INTS15: variants seen among roughly 807,000 people sequenced by gnomAD.
The protein encoded by INTS15 is integrator complex subunit 15, also known as uncharacterized protein C7orf26.
chr7:6,595,631 C>T, the INTS15 span, among the ~76,000 whole-genome samples: 2 of 152,200 alleles, frequency 1.3e-5, no homozygotes, highest in African/African-American at 4.8e-5. Context: ...ATGTGACCCA[C>T]TCCCTGGACA....
At chr7:6,599,709 G>A in the INTS15 span, 5 of 947,356 alleles carry the variant, frequency 5.3e-6, no homozygotes, top group Admixed American at 2.3e-5. Flanking sequence ...GCCAGGAGGC[G>A]TGATCCAGAC....
chr7:6,598,787 A>AC, the INTS15 span, among the ~76,000 whole-genome samples: 1 of 70,676 alleles, frequency 1.4e-5, no homozygotes, highest in South Asian at 4.9e-4. Flanking sequence ...GTGTGTGTGT[A>AC]TTTTTTTTTT....
the INTS15 span, among the ~76,000 whole-genome samples, chr7:6,599,116 C>T: frequency 1.3e-5 from 2 of 152,172 alleles, no homozygotes; most frequent in Non-Finnish European, 2.9e-5. Flanking sequence ...AATCACTTGA[C>T]ATGACTGTCC....
the INTS15 span, chr7:6,600,063 C>T: frequency 6.2e-7 from 1 of 1,614,220 alleles, no homozygotes; most frequent in Non-Finnish European, 8.5e-7. Flanking sequence ...AACAAGGTCA[C>T]AAAGGACCCG....
At chr7:6,604,982 T>C in the INTS15 span, among the ~76,000 whole-genome samples, 1 of 151,994 alleles carries the variant, frequency 6.6e-6, no homozygotes, top group Admixed American at 6.6e-5. Flanking sequence ...TTTTTCTTTT[T>C]CTCTTTGTTT....
At chr7:6,599,782 G>C in the INTS15 span, 42 of 1,579,226 alleles carry the variant, frequency 2.7e-5, no homozygotes, top group Non-Finnish European at 3.5e-5. Flanking sequence ...TCCCGCCCCT[G>C]TCCTCGAGGC....
At chr7:6,608,536 G>T in the INTS15 span, 1 of 1,120,456 alleles carries the variant, frequency 8.9e-7, no homozygotes, top group Non-Finnish European at 1.1e-6. Context: ...ATGTGTCCCC[G>T]CCAGAAAAAG....
the INTS15 span, chr7:6,607,390 G>A: frequency 4.5e-6 from 2 of 447,204 alleles, no homozygotes; most frequent in Non-Finnish European, 8.0e-6. The surrounding 1 kb of genome is among the most constrained non-coding windows in gnomAD (Gnocchi z 6.0). Flanking sequence ...GGTGCTGGGC[G>A]GGGTGGGTGC....
At chr7:6,596,923 C>T in the INTS15 span, among the ~76,000 whole-genome samples, 5 of 151,340 alleles carry the variant, frequency 3.3e-5, no homozygotes, top group African/African-American at 1.2e-4. Context: ...GGACTACAGG[C>T]GCCCGCTACC....
At chr7:6,602,737 C>T in the INTS15 span, 2 of 471,176 alleles carry the variant, frequency 4.2e-6, no homozygotes, top group South Asian at 3.1e-5. Context: ...GAGACCTCCA[C>T]AAACGCAGTC....
chr7:6,593,313 T>C, the INTS15 span, among the ~76,000 whole-genome samples: 1 of 151,564 alleles, frequency 6.6e-6, no homozygotes, highest in Non-Finnish European at 1.5e-5. Flanking sequence ...GTGGGACAAA[T>C]TTGGTCTGTG....
At chr7:6,605,895 C>T in the INTS15 span, among the ~76,000 whole-genome samples, 1 of 152,084 alleles carries the variant, frequency 6.6e-6, no homozygotes, top group Non-Finnish European at 1.5e-5. Context: ...GACGGGTTTT[C>T]GCCATGTTGG....
At chr7:6,606,622 G>T in the INTS15 span, among the ~76,000 whole-genome samples, 1 of 152,054 alleles carries the variant, frequency 6.6e-6, no homozygotes. Context: ...AGAAGCTTCC[G>T]ATGGGGGAAG....
the INTS15 span, chr7:6,594,544 C>G: frequency 6.2e-7 from 1 of 1,614,066 alleles, no homozygotes; most frequent in Non-Finnish European, 8.5e-7. Flanking sequence ...AGTGCCAGCC[C>G]GAGATTCTGC....
the INTS15 span, among the ~76,000 whole-genome samples, chr7:6,600,998 C>G: frequency 6.6e-6 from 1 of 152,120 alleles, no homozygotes; most frequent in Non-Finnish European, 1.5e-5. Context: ...CAGGGTTTCT[C>G]ACTCTGTTGC....
chr7:6,594,789 C>T, the INTS15 span, among the ~76,000 whole-genome samples: 3 of 152,076 alleles, frequency 2.0e-5, no homozygotes, highest in Non-Finnish European at 4.4e-5. Context: ...GGTGTTATCT[C>T]AGCTCACTGT....
chr7:6,599,029 C>T, the INTS15 span, among the ~76,000 whole-genome samples: 1 of 152,064 alleles, frequency 6.6e-6, no homozygotes. Flanking sequence ...CTCAAGTGAT[C>T]CTCCCACCTT....
the INTS15 span, chr7:6,590,180 C>G: frequency 9.2e-7 from 1 of 1,089,298 alleles, no homozygotes; most frequent in Non-Finnish European, 1.2e-6. Flanking sequence ...GGTGCCGCAG[C>G]CCAGGCCCGG....
the INTS15 span, among the ~76,000 whole-genome samples, chr7:6,593,762 G>A: frequency 4.0e-5 from 6 of 148,560 alleles, no homozygotes; most frequent in South Asian, 2.1e-4. Flanking sequence ...CCATCCTTCC[G>A]CCTCGGCCTC....
Sources: gnomAD v4.1 joint callset for allele counts (sites outside exome capture counted in the v4.1 genomes callset) on GRCh38, gnomAD v4.1.1 for gene constraint, Gnocchi (gnomAD v3.1) non-coding constraint, MANE v1.5 for transcripts, NCBI Gene and HGNC (gene_info 2026-07-23, HGNC 2026-07-21) for gene names.